SUMF1: variants seen among roughly 807,000 people sequenced by gnomAD.
SUMF1 encodes sulfatase modifying factor 1.
In SUMF1, 48 loss-of-function variants were observed where a neutral mutation model predicts 47.6. The ratio of observed to expected loss-of-function variants is 1.01; its 90% CI spans 0.80 to 1.28. SUMF1 has a LOEUF of 1.28. Among genes scored for constraint, SUMF1 ranks in the 50% most tolerant of loss-of-function variants. The pLI is 0.00. For missense variants in SUMF1, 571 were observed against 485.4 expected, an observed-to-expected ratio of 1.18 and a Z score of -1.66; for synonymous variants, 230 against 192.1, an observed-to-expected ratio of 1.20 and a Z score of -1.63.
intron 8 of SUMF1, among the ~76,000 whole-genome samples, chr3:4,225,608 G>C (rs1478860494): frequency 6.6e-6 from 1 of 152,060 alleles, no homozygotes. Flanking sequence ...AGTCCAAATC[G>C]CTGGTGACAG....
At chr3:4,435,478 AAAAAGTGAAATAATAT>A (rs1291339552) in intron 3 of SUMF1, among the ~76,000 whole-genome samples, 1 of 152,210 alleles carries the variant, frequency 6.6e-6, no homozygotes, top group Non-Finnish European at 1.5e-5. Flanking sequence ...TGGTGTTTAA[AAAAAGTGAAATAATAT>A]CTGAAAAAAT....
chr3:4,151,716 TCA>T (rs1228649289), intron 8 of SUMF1, among the ~76,000 whole-genome samples: 2 of 138,256 alleles, frequency 1.4e-5, no homozygotes, highest in Non-Finnish European at 3.1e-5. Context: ...AAAAAAAAAA[TCA>T]CAAAAAAATC....
intron 3 of SUMF1, among the ~76,000 whole-genome samples, chr3:4,427,033 T>G (rs1702089374): frequency 6.6e-6 from 1 of 152,148 alleles, no homozygotes; most frequent in African/African-American, 2.4e-5. Flanking sequence ...ATAACCAGAC[T>G]TGTAGTAGCA....
At chr3:4,371,598 C>G (rs1007058368) in intron 8 of SUMF1, among the ~76,000 whole-genome samples, 4 of 152,176 alleles carry the variant, frequency 2.6e-5, no homozygotes, top group African/African-American at 9.7e-5. Flanking sequence ...TGCTCTTCAT[C>G]TTGGTAGGAT....
At chr3:4,409,220 A>T (rs1040789628) in intron 7 of SUMF1, among the ~76,000 whole-genome samples, 2 of 152,092 alleles carry the variant, frequency 1.3e-5, no homozygotes, top group Admixed American at 6.6e-5. Context: ...AGCTATAAAG[A>T]CCTGAATTAT....
At chr3:4,215,071 A>G (rs1362373210) in intron 8 of SUMF1, among the ~76,000 whole-genome samples, 1 of 152,190 alleles carries the variant, frequency 6.6e-6, no homozygotes, top group Non-Finnish European at 1.5e-5. Flanking sequence ...TCCTGATACC[A>G]AAATCTGGCA....
At position 4,091,618 on chromosome 3, in the gene SUMF1, C is replaced by T. The variant is rs61459879; in HGVS notation, c.1015-22873G>A. On this transcript the variant is annotated intron_variant and NMD_transcript_variant, in intron 8 of 12. Coordinates refer to the SUMF1 transcript ENST00000448413. Reference sequence around the variant, plus strand: ...AGACAACCTCGAATAGGATAACAGCCCTTTATGACTTTAACAAAAATTCAT... The same window carrying T: ...AGACAACCTCGAATAGGATAACAGCTCTTTATGACTTTAACAAAAATTCAT... Among the ~76,000 whole-genome samples the T allele has an allele frequency of 6.6e-3, 999 of 152,064 alleles. 22 individuals are homozygous for T. The highest frequency in any genetic ancestry group is 0.023 in the African/African-American group (957 of 41,426).
intron 8 of SUMF1, among the ~76,000 whole-genome samples, chr3:4,084,314 C>T (rs1692627437): frequency 6.6e-6 from 1 of 152,076 alleles, no homozygotes; most frequent in Non-Finnish European, 1.5e-5. Context: ...GGAGGCTACT[C>T]AGGAGTAGAT....
intron 8 of SUMF1, among the ~76,000 whole-genome samples, chr3:4,228,963 T>C (rs1319827252): frequency 6.6e-6 from 1 of 152,032 alleles, no homozygotes; most frequent in Non-Finnish European, 1.5e-5. Flanking sequence ...AAGGTAAAGG[T>C]AAGAAATGAG....
chr3:4,457,093 TA>T lies in SUMF1; in HGVS notation c.271-4045del, dbSNP rs146522956. 7.8e-3 allele frequency among the ~76,000 whole-genome samples: 1,144 copies of T among 145,734 alleles called. 25 individuals are homozygous for T. The highest frequency in any genetic ancestry group is 0.023 in the African/African-American group (890 of 39,404). On this transcript the variant is annotated intron_variant, in intron 1 of 8. Transcript: ENST00000272902. ...ATATATACGTGTGTGTATATATATA[TA>T]TTTTTTTTGTTTTGTTTTGTTTTTT...
At chr3:4,465,269 G>A (rs1053722535) in intron 1 of SUMF1, among the ~76,000 whole-genome samples, 4 of 152,178 alleles carry the variant, frequency 2.6e-5, no homozygotes, top group Non-Finnish European at 5.9e-5. Flanking sequence ...AAGGTCAGGA[G>A]ATTGAGACCA....
In SUMF1 at chr3:4,368,281, A is replaced by T. The variant is rs570611177; in HGVS notation, c.1015-6027T>A. The stretch of plus-strand genomic sequence containing the variant: ...TCAGAGAAATGCAAATCAAAACCAC[A>T]ATGAGATATCATCTCACACCAGTTA... On this transcript the variant is annotated intron_variant, in intron 8 of 8. Transcript: ENST00000272902. Among the ~76,000 whole-genome samples the T allele has an allele frequency of 1.4e-4, 22 of 152,346 alleles. 1 individual carries two copies. The highest frequency in any genetic ancestry group is 5.9e-4 in the Admixed American group (9 of 15,300).
At chr3:4,201,532 A>G (rs1695539724) in intron 8 of SUMF1, among the ~76,000 whole-genome samples, 1 of 152,050 alleles carries the variant, frequency 6.6e-6, no homozygotes, top group Admixed American at 6.6e-5. Flanking sequence ...CATTTTCTTT[A>G]TCCATTTATT....
At chr3:4,084,606 A>G (rs1692633974) in intron 8 of SUMF1, among the ~76,000 whole-genome samples, 1 of 152,116 alleles carries the variant, frequency 6.6e-6, no homozygotes, top group Non-Finnish European at 1.5e-5. Context: ...AAAGAAACTC[A>G]AGACTTAAGT....
chr3:4,301,200 A>G lies in SUMF1; in HGVS notation c.1014+75130T>C, dbSNP rs547066638. ...GACTACTTGAGCTGAGCAGACAGAC[A>G]GTCCTGGGTAAAGGCACTGGAGATA... On this transcript the variant is annotated intron_variant and NMD_transcript_variant, in intron 8 of 12. Transcript: ENST00000448413. 3.9e-5 allele frequency among the ~76,000 whole-genome samples: 6 copies of G among 152,310 alleles called. No individual in the cohort carries two copies. The South Asian group carries it at 1.0e-3, about 26-fold the overall frequency.
chr3:4,370,639 A>G (rs1487343356), intron 8 of SUMF1, among the ~76,000 whole-genome samples: 1 of 152,228 alleles, frequency 6.6e-6, no homozygotes, highest in South Asian at 2.1e-4. Context: ...GACATATACA[A>G]GAGATTATTC....
At chr3:4,373,907 C>A (rs760558580) in intron 8 of SUMF1, among the ~76,000 whole-genome samples, 2 of 152,162 alleles carry the variant, frequency 1.3e-5, no homozygotes, top group Non-Finnish European at 2.9e-5. Flanking sequence ...TGTAATTCAC[C>A]ATATGAACAG....
intron 8 of SUMF1, among the ~76,000 whole-genome samples, chr3:4,108,300 A>C (rs1693204967): frequency 6.6e-6 from 1 of 152,188 alleles, no homozygotes; most frequent in East Asian, 1.9e-4. Context: ...AAAGTTTGTA[A>C]TTTCTGTTCT....
intron 9 of SUMF1, among the ~76,000 whole-genome samples, chr3:4,041,862 G>T (rs1394084281): frequency 6.6e-6 from 1 of 152,068 alleles, no homozygotes; most frequent in African/African-American, 2.4e-5. Context: ...CCCTCCCTGT[G>T]GTGTCTTCCC....
Sources: gnomAD v4.1 joint callset for allele counts (sites outside exome capture counted in the v4.1 genomes callset) on GRCh38, gnomAD v4.1.1 for gene constraint, MANE v1.5 for transcripts, NCBI Gene and HGNC (gene_info 2026-07-23, HGNC 2026-07-21) for gene names.